The following ABCA10 variants were observed in gnomAD, a reference collection of about 807,000 sequenced individuals.
ABCA10 encodes ATP binding cassette subfamily A member 10.
In ABCA10, 169 loss-of-function variants were observed where a neutral mutation model predicts 187.5. The ratio of observed to expected loss-of-function variants is 0.90; its 90% CI spans 0.80 to 1.02. The LOEUF (loss-of-function observed/expected upper bound fraction) is 1.02. Ranked by LOEUF, ABCA10 falls within the 50% of genes least tolerant of loss-of-function variation. The probability of loss-of-function intolerance (pLI) is 0.00; values close to 1 mark genes in which losing one functional copy is unlikely to be tolerated. For missense variants in ABCA10, 1,727 were observed against 1,812.4 expected (o/e 0.95, Z 0.86); for synonymous variants, 574 against 601.8 (o/e 0.95, Z 0.68).
chr17:69,239,895 C>T (rs185239313), intron 1 of ABCA10, among the ~76,000 whole-genome samples: 34 of 152,296 alleles, frequency 2.2e-4, no homozygotes, highest in Admixed American at 8.5e-4. Context: ...AGTACACCCA[C>T]GCAGGATGCC....
chr17:69,214,985 G>T (rs985197540), intron 8 of ABCA10, 134 bp from the exon 9 acceptor site: 1 of 555,426 alleles, frequency 1.8e-6, no homozygotes, highest in Non-Finnish European at 2.8e-6. Context: ...CATAGTAAAT[G>T]TGCTATTAGT....
chr17:69,150,473 A>G (rs930844527), intron 36 of ABCA10: 1 of 154,562 alleles, frequency 6.5e-6, no homozygotes, highest in Non-Finnish European at 1.4e-5. Flanking sequence ...TCTCCTGCTA[A>G]AAAAAAATTT....
At chr17:69,216,925 T>G (rs1329876565) in intron 6 of ABCA10, among the ~76,000 whole-genome samples, 1 of 152,104 alleles carries the variant, frequency 6.6e-6, no homozygotes, top group African/African-American at 2.4e-5. Flanking sequence ...ATAGTGCTAT[T>G]AAGAAATGTG....
chr17:69,224,062 T>C (rs977079489), intron 3 of ABCA10, among the ~76,000 whole-genome samples: 2 of 151,978 alleles, frequency 1.3e-5, no homozygotes, highest in African/African-American at 4.8e-5. Context: ...ATGTAAACAA[T>C]GCAAGTAAGG....
rs76951790 is a variant in ABCA10, at chr17:69,181,298, C to T, written c.2769+855G>A. 1.6e-3 allele frequency among the ~76,000 whole-genome samples: 244 copies of T among 152,254 alleles called. 1 individual carries two copies. Among genetic ancestry groups the T allele is most frequent in the African/African-American group, 5.7e-3 (237 of 41,562 alleles). On this transcript the variant is annotated intron_variant, in intron 22 of 38. Transcript: ENST00000690296. ...TGATATTCTTCATTTCCAACCAAAT[C>T]CATTCACTGATTTAAGTAAATACGC...
At position 69,175,474 on chromosome 17, in the gene ABCA10, T is replaced by C. The variant is rs371701745; in HGVS notation, c.2809A>G (p.Ile937Val). ...VLDLGFIDGS[I>V]FLLLITNCVS... Reference sequence around the variant, plus strand: ...CAGTTTGTGATCAACAACAAAAATATGGACCCATCTATAAAACCAAGATCC... The same window carrying C: ...CAGTTTGTGATCAACAACAAAAATACGGACCCATCTATAAAACCAAGATCC... The change falls in exon 23 of 39, where the codon ATA becomes GTA. Residue 937 changes from isoleucine to valine, a missense_variant. Transcript: ENST00000690296. The C allele has an allele frequency of 5.0e-6, 8 of 1,611,816 alleles. No individual in the cohort carries two copies. The African/African-American group carries it at 9.4e-5, about 19-fold the overall frequency.
intron 36 of ABCA10, 156 bp from the exon 37 acceptor site, chr17:69,150,219 TA>T (rs202156417): frequency 2.7e-5 from 14 of 515,446 alleles, no homozygotes; most frequent in South Asian, 6.6e-5. Flanking sequence ...GATTCAATCA[TA>T]AAAAAAGTTA....
At chr17:69,191,120 A>G (rs1333262133) in intron 17 of ABCA10, 56 bp downstream of exon 17, 3 of 1,369,100 alleles carry the variant, frequency 2.2e-6, no homozygotes, top group Admixed American at 5.5e-5. Flanking sequence ...CAGAAAATGC[A>G]GTCAGCACAA....
At chr17:69,168,437 G>T (rs1397561797) in intron 25 of ABCA10, among the ~76,000 whole-genome samples, 1 of 152,064 alleles carries the variant, frequency 6.6e-6, no homozygotes, top group East Asian at 1.9e-4. Flanking sequence ...AAAGTATCTG[G>T]CACATAGGAA....
At chr17:69,208,393 AG>A (rs1219591387) in intron 9 of ABCA10, among the ~76,000 whole-genome samples, 2 of 130,328 alleles carry the variant, frequency 1.5e-5, no homozygotes, top group Non-Finnish European at 3.1e-5. Flanking sequence ...CTCCAGTCTG[AG>A]GGGACAGGGC....
chr17:69,211,314 GATATATATATATATATATAT>G (rs58580286), intron 9 of ABCA10, among the ~76,000 whole-genome samples: 20 of 30,352 alleles, frequency 6.6e-4, no homozygotes, highest in South Asian at 3.5e-3. Flanking sequence ...TCATATATAT[GATATATATATATATATATAT>G]ATATATATAT....
intron 9 of ABCA10, among the ~76,000 whole-genome samples, chr17:69,206,671 T>C (rs1392893185): frequency 1.3e-5 from 2 of 152,226 alleles, no homozygotes; most frequent in African/African-American, 2.4e-5. Flanking sequence ...TGGTCCCAAC[T>C]TGCAAAGCTT....
In ABCA10 at chr17:69,174,256, T is replaced by G. The variant is rs761533541; in HGVS notation, c.3162+25A>C. 4 of 1,457,014 alleles carry G rather than the reference T, an allele frequency of 2.7e-6. No homozygotes were observed. In the South Asian group the frequency reaches 5.2e-5, roughly 19 times the overall value. 90.3% of individuals were successfully genotyped at this position (1,457,014 alleles called of 1,614,324 possible). On this transcript the variant is annotated intron_variant, in intron 25 of 38. Coordinates refer to ENST00000690296, the MANE Select transcript of ABCA10 (RefSeq NM_001377321.1). ...AAACTTCAAGGAAATTTAATATAAA[T>G]GTGCACGCATGTATATATACTTACA... is the stretch of plus-strand genomic sequence containing the variant.
intron 9 of ABCA10, among the ~76,000 whole-genome samples, chr17:69,204,867 A>G (rs9904672): frequency 0.75 from 113,522 of 152,224 alleles, 42,872 homozygotes; most frequent in African/African-American, 0.84. Context: ...AGTGGCTCAC[A>G]CCTGAAATCC....
At chr17:69,240,750 C>G (rs922109111) in intron 1 of ABCA10, among the ~76,000 whole-genome samples, 1 of 152,200 alleles carries the variant, frequency 6.6e-6, no homozygotes, top group Non-Finnish European at 1.5e-5. Context: ...CAGTGCTTTC[C>G]CAAGAAATCA....
chr17:69,208,343 G>A (rs906543800), intron 9 of ABCA10, among the ~76,000 whole-genome samples: 1 of 147,410 alleles, frequency 6.8e-6, no homozygotes, highest in Non-Finnish European at 1.5e-5. Flanking sequence ...GCGTGAACCC[G>A]GGATGTGGAG....
chr17:69,238,093 C>G (rs1188886439), intron 1 of ABCA10, among the ~76,000 whole-genome samples: 1 of 150,342 alleles, frequency 6.7e-6, no homozygotes, highest in Admixed American at 6.6e-5. Context: ...ACCCGGGAGG[C>G]AGAGGTTGCA....
At chr17:69,176,351 T>C (rs1170621810) in intron 22 of ABCA10, among the ~76,000 whole-genome samples, 1 of 152,104 alleles carries the variant, frequency 6.6e-6, no homozygotes, top group African/African-American at 2.4e-5. Context: ...TAAACAATTG[T>C]CAAGGCATTG....
Position 69,193,796 on chromosome 17 carries a change from C to G in ABCA10, c.1521+18G>C, listed in dbSNP as rs776487013. ...GTAAATTATTTCCAAAGCCATCAATCTTAATGTGTTCCTGTACCTCTTGTT... is the reference window on the plus strand; with the variant it reads ...GTAAATTATTTCCAAAGCCATCAATGTTAATGTGTTCCTGTACCTCTTGTT... On this transcript the variant is annotated intron_variant, in intron 13 of 38. Coordinates refer to ENST00000690296, the MANE Select transcript of ABCA10 (RefSeq NM_001377321.1). 3.2e-5 allele frequency: 52 copies of G among 1,606,934 alleles called. No homozygotes were observed. Among genetic ancestry groups the G allele is most frequent in the Middle Eastern group, 1.7e-4 (1 of 5,986 alleles).
Sources: allele counts gnomAD v4.1 joint callset (sites outside exome capture counted in the v4.1 genomes callset), GRCh38; gene constraint gnomAD v4.1.1; transcripts MANE v1.5; gene names NCBI Gene and HGNC (gene_info 2026-07-23, HGNC 2026-07-21).